The following SLC16A10 variants were observed in gnomAD, a reference collection of about 807,000 sequenced individuals.
The protein encoded by SLC16A10 is monocarboxylate transporter 10.
SLC16A10 carries 27 observed loss-of-function variants against 40.0 expected under a neutral mutation model. The ratio of observed to expected loss-of-function variants is 0.67; its 90% CI spans 0.50 to 0.93. SLC16A10 has a LOEUF of 0.93. Among genes scored for constraint, SLC16A10 ranks in the 40% least tolerant of loss-of-function variants. SLC16A10 has a pLI of 0.00. For synonymous variants in SLC16A10, 213 were observed against 249.8 expected, an observed-to-expected ratio of 0.85 and a Z score of 1.39; for missense variants, 529 against 658.2, an observed-to-expected ratio of 0.80 and a Z score of 2.15.
intron 3 of SLC16A10, among the ~76,000 whole-genome samples, chr6:111,187,899 C>T (rs1772926169): frequency 1.3e-5 from 2 of 152,150 alleles, no homozygotes. Context: ...ACAGTAGTAT[C>T]CTTATAAACC....
chr6:111,172,283 C>G (rs1263497965), intron 1 of SLC16A10, among the ~76,000 whole-genome samples: 2 of 152,162 alleles, frequency 1.3e-5, no homozygotes, highest in Non-Finnish European at 1.5e-5. Context: ...GAAGGACTTA[C>G]AGACTTGATT....
At chr6:111,195,470 C>A (rs1402354770) in intron 3 of SLC16A10, among the ~76,000 whole-genome samples, 3 of 151,896 alleles carry the variant, frequency 2.0e-5, no homozygotes, top group Non-Finnish European at 4.4e-5. Context: ...ATATAGTACA[C>A]TTAAAATGGT....
chr6:111,162,055 A>T (rs1213178374), intron 1 of SLC16A10, among the ~76,000 whole-genome samples: 2 of 152,182 alleles, frequency 1.3e-5, no homozygotes, highest in East Asian at 3.9e-4. Context: ...AAAACAACTA[A>T]TGAGACTAGA....
Position 111,229,043 on chromosome 6 carries a change from A to AC in SLC16A10, c.*6808_*6809insC. The stretch of plus-strand genomic sequence containing the variant: ...AAACTCTGTCTCAAAAAAAAAAAAA[A>AC]AAAAAATAGTGCTGCATTTTGACCC... On this transcript the variant is annotated 3_prime_UTR_variant, in exon 6 of 6. Transcript: ENST00000368851. The AC allele has an allele frequency of 6.5e-6, 1 of 152,890 alleles. No homozygotes were observed. 9.5% of individuals were successfully genotyped at this position (152,890 alleles called of 1,614,324 possible).
chr6:111,109,104 A>C (rs528260603), intron 1 of SLC16A10, among the ~76,000 whole-genome samples: 79 of 152,344 alleles, frequency 5.2e-4, no homozygotes, highest in African/African-American at 1.6e-3. Context: ...ATAATTCACA[A>C]ATTTTAAGTG....
intron 3 of SLC16A10, among the ~76,000 whole-genome samples, chr6:111,195,287 C>T (rs1260960529): frequency 1.3e-5 from 2 of 152,102 alleles, no homozygotes; most frequent in African/African-American, 4.8e-5. Flanking sequence ...CACAAAAGCA[C>T]GAATACTGTA....
chr6:111,158,281 C>T (rs1351744235), intron 1 of SLC16A10, among the ~76,000 whole-genome samples: 1 of 151,998 alleles, frequency 6.6e-6, no homozygotes, highest in Non-Finnish European at 1.5e-5. Flanking sequence ...TGCACATTTT[C>T]CCTATTTTTA....
At chr6:111,185,284 G>C (rs182648403) in intron 3 of SLC16A10, among the ~76,000 whole-genome samples, 1 of 152,316 alleles carries the variant, frequency 6.6e-6, no homozygotes, top group Admixed American at 6.5e-5. Flanking sequence ...TTATGAAGGA[G>C]TCTGCATTCC....
intron 3 of SLC16A10, among the ~76,000 whole-genome samples, chr6:111,201,281 A>G (rs1773163973): frequency 6.6e-6 from 1 of 152,202 alleles, no homozygotes; most frequent in Non-Finnish European, 1.5e-5. Flanking sequence ...CTGCAGCAGC[A>G]GTGGATGATA....
At chr6:111,135,413 G>A (rs1350155825) in intron 1 of SLC16A10, among the ~76,000 whole-genome samples, 5 of 152,150 alleles carry the variant, frequency 3.3e-5, no homozygotes, top group Admixed American at 2.0e-4. Flanking sequence ...CCAACTTTAC[G>A]AGTACAGAAA....
chr6:111,097,605 T>G (rs1352275542), intron 1 of SLC16A10, among the ~76,000 whole-genome samples: 1 of 152,122 alleles, frequency 6.6e-6, no homozygotes, highest in African/African-American at 2.4e-5. Context: ...TGAGCCACCA[T>G]GCCCGGCCAA....
At chr6:111,091,299 A>G (rs1281808270) in intron 1 of SLC16A10, 1 of 152,114 alleles carries the variant, frequency 6.6e-6, no homozygotes, top group Non-Finnish European at 1.5e-5. Flanking sequence ...ATTTTAGTAG[A>G]TTGTTGTTCA....
chr6:111,182,413 C>T (rs528094139), intron 3 of SLC16A10, among the ~76,000 whole-genome samples: 1 of 143,376 alleles, frequency 7.0e-6, no homozygotes, highest in South Asian at 2.4e-4. Flanking sequence ...ACCTCCACAT[C>T]ACTCCTCCTT....
chr6:111,202,257 C>T (rs1474149078), intron 3 of SLC16A10, among the ~76,000 whole-genome samples: 1 of 152,108 alleles, frequency 6.6e-6, no homozygotes, highest in African/African-American at 2.4e-5. Flanking sequence ...TGGAGGATTG[C>T]TTAAGCCCAG....
intron 2 of SLC16A10, among the ~76,000 whole-genome samples, chr6:111,175,142 T>A (rs904060785): frequency 1.7e-4 from 26 of 152,202 alleles, no homozygotes; most frequent in African/African-American, 6.3e-4. Context: ...GAAAACCTTC[T>A]CCAACAACTT....
intron 3 of SLC16A10, among the ~76,000 whole-genome samples, chr6:111,192,723 G>T (rs966596100): frequency 6.6e-6 from 1 of 152,172 alleles, no homozygotes; most frequent in Non-Finnish European, 1.5e-5. Context: ...GTGGAAGGTG[G>T]AGGAGGAGCA....
At chr6:111,119,013 AG>A in intron 1 of SLC16A10, among the ~76,000 whole-genome samples, 1 of 152,316 alleles carries the variant, frequency 6.6e-6, no homozygotes, top group African/African-American at 2.4e-5. Flanking sequence ...AATGAGGCCA[AG>A]TGCATTTCAG....
At chr6:111,168,889 C>T (rs1215257861) in intron 1 of SLC16A10, among the ~76,000 whole-genome samples, 1 of 152,122 alleles carries the variant, frequency 6.6e-6, no homozygotes, top group African/African-American at 2.4e-5. Flanking sequence ...CTTGAGAAAA[C>T]GGTGCTGTGT....
chr6:111,197,451 T>C (rs1381716756), intron 3 of SLC16A10, among the ~76,000 whole-genome samples: 2 of 152,190 alleles, frequency 1.3e-5, no homozygotes, highest in Non-Finnish European at 2.9e-5. Flanking sequence ...ACCAATTTTG[T>C]GAATTTACAA....
Sources: allele counts gnomAD v4.1 joint callset (sites outside exome capture counted in the v4.1 genomes callset), GRCh38; gene constraint gnomAD v4.1.1; transcripts MANE v1.5; gene names NCBI Gene and HGNC (gene_info 2026-07-23, HGNC 2026-07-21).